The following TAMM41 variants were observed in gnomAD, a reference collection of about 807,000 sequenced individuals.
TAMM41 encodes the protein phosphatidate cytidylyltransferase, mitochondrial.
In TAMM41, 36 loss-of-function variants were observed where a neutral mutation model predicts 44.1. The observed-to-expected ratio is 0.82, with a 90% confidence interval of 0.63 to 1.08. TAMM41 has a LOEUF of 1.08. TAMM41 is among the 50% of genes least tolerant of loss of function. The pLI is 0.00. For missense variants in TAMM41, 417 were observed against 404.3 expected (o/e 1.03, Z -0.27); for synonymous variants, 164 against 153.1 (o/e 1.07, Z -0.53).
At chr3:11,740,208 T>C in the TAMM41 span, among the ~76,000 whole-genome samples, 135,955 of 152,192 alleles carry the variant, frequency 0.89, 60,834 homozygotes, top group East Asian at 1. Flanking sequence ...TAAATGAAGA[T>C]GCGTGTCATT....
chr3:11,833,321 G>A (rs2079057914), intron 3 of TAMM41, among the ~76,000 whole-genome samples: 1 of 152,162 alleles, frequency 6.6e-6, no homozygotes, highest in Non-Finnish European at 1.5e-5. Flanking sequence ...ATATTTGTGA[G>A]TACCTTTCAA....
At chr3:11,785,776 C>T (rs2077413249), downstream of TAMM41, among the ~76,000 whole-genome samples, 1 of 152,126 alleles carries the variant, frequency 6.6e-6, no homozygotes, top group Non-Finnish European at 1.5e-5. Context: ...CCACTGCTCC[C>T]AGCTAATTTT....
chr3:11,787,412 G>A (rs756004008), downstream of TAMM41, among the ~76,000 whole-genome samples: 8 of 152,184 alleles, frequency 5.3e-5, no homozygotes, highest in Non-Finnish European at 5.9e-5. Flanking sequence ...TGTTAGCAGC[G>A]TCCTGATGTG....
At chr3:11,748,283 T>C in the TAMM41 span, among the ~76,000 whole-genome samples, 178 of 151,688 alleles carry the variant, frequency 1.2e-3, no homozygotes, top group Non-Finnish European at 2.3e-3. Flanking sequence ...TATTTATTTA[T>C]TTATTTATTT....
the TAMM41 span, among the ~76,000 whole-genome samples, chr3:11,771,675 C>T: frequency 6.6e-6 from 1 of 152,082 alleles, no homozygotes; most frequent in Non-Finnish European, 1.5e-5. Flanking sequence ...CTCCGCCTCC[C>T]AGGTTCAAGC....
At chr3:11,807,659 C>G in intron 7 of TAMM41, 174 bp downstream of exon 7, 1 of 1,536,330 alleles carries the variant, frequency 6.5e-7, no homozygotes, top group African/African-American at 1.4e-5. Context: ...GTTCGACCAC[C>G]AGGTTCTGCT....
At chr3:11,808,333 A>C (rs9876026) in intron 6 of TAMM41, 459,547 of 1,008,348 alleles carry the variant, frequency 0.46, 110,046 homozygotes, top group African/African-American at 0.79. Context: ...AGTTTCACTC[A>C]CCTCAAAGAG....
At chr3:11,725,425 T>TCTTCTTTCCTCC in the TAMM41 span, among the ~76,000 whole-genome samples, 38 of 68,108 alleles carry the variant, frequency 5.6e-4, no homozygotes, top group African/African-American at 2.4e-3. Context: ...TTCTTCTTCT[T>TCTTCTTTCCTCC]TCCTCCTCCT....
downstream of TAMM41, among the ~76,000 whole-genome samples, chr3:11,790,219 T>C (rs1343994712): frequency 6.6e-6 from 1 of 152,214 alleles, no homozygotes; most frequent in Non-Finnish European, 1.5e-5. Context: ...AAATTTGTCA[T>C]GTCTGACTCT....
the TAMM41 span, among the ~76,000 whole-genome samples, chr3:11,772,846 G>A: frequency 1.3e-5 from 2 of 152,130 alleles, no homozygotes; most frequent in East Asian, 3.8e-4. Flanking sequence ...GAATCATCCT[G>A]CCAAGTAGGG....
At position 11,808,499 on chromosome 3, in the gene TAMM41, C is replaced by T. The variant is rs1163834062; in HGVS notation, c.875-604G>A. The T allele has an allele frequency of 7.1e-6, 7 of 985,728 alleles. No individual in the cohort carries two copies. In the East Asian group the frequency reaches 3.4e-4, roughly 48 times the overall value. 61.1% of individuals were successfully genotyped at this position (985,728 alleles called of 1,614,324 possible). On this transcript the variant is annotated intron_variant, in intron 6 of 7. Transcript: ENST00000455809. ...GAGAGTGGGCGTGGAGCGCCTGCTG[C>T]AGCTCATCCACTGCAGTGCGATGGT...
Position 11,817,224 on chromosome 3 carries a change from C to G in TAMM41, c.676G>C (p.Val226Leu). The G allele has an allele frequency of 6.2e-7, 1 of 1,612,778 alleles. No homozygotes were observed. The highest frequency in any genetic ancestry group is 8.5e-7 in the Non-Finnish European group (1 of 1,178,988). The change falls in exon 5 of 8, where the codon GTG (valine) becomes CTG (leucine). Residue 226 changes from valine (V) to leucine (L), a missense_variant. Transcript: ENST00000455809. ...YGSILQENPQVVYKSQQGWLE... is the reference protein window; with the variant it reads ...YGSILQENPQLVYKSQQGWLE... ...CAGCCTTGCTGGCTTTTATACACCA[C>G]TTGAGGATTTTCCTGTAGTATGCTG...
At chr3:11,784,504 A>C in the TAMM41 span, among the ~76,000 whole-genome samples, 1 of 152,166 alleles carries the variant, frequency 6.6e-6, no homozygotes, top group African/African-American at 2.4e-5. Flanking sequence ...CAAAAAACAA[A>C]AGAAACCAAA....
the TAMM41 span, among the ~76,000 whole-genome samples, chr3:11,727,961 G>A: frequency 0.53 from 79,477 of 151,086 alleles, 21,941 homozygotes; most frequent in African/African-American, 0.69. Flanking sequence ...TAATTTTTCT[G>A]TTTTTAGTAG....
chr3:11,801,166 A>T (rs999797797), intron 7 of TAMM41, among the ~76,000 whole-genome samples: 1 of 152,152 alleles, frequency 6.6e-6, no homozygotes, highest in Non-Finnish European at 1.5e-5. Context: ...AGGCTACAAA[A>T]CAAGTCTTAA....
chr3:11,739,524 G>A, the TAMM41 span, among the ~76,000 whole-genome samples: 1 of 152,074 alleles, frequency 6.6e-6, no homozygotes, highest in South Asian at 2.1e-4. Flanking sequence ...GATGCGTTAA[G>A]GGCTGGGTGC....
chr3:11,736,499 A>C, the TAMM41 span, among the ~76,000 whole-genome samples: 2 of 152,234 alleles, frequency 1.3e-5, no homozygotes, highest in Non-Finnish European at 2.9e-5. Context: ...AGGAAGACAC[A>C]GTTTCTCATG....
the TAMM41 span, among the ~76,000 whole-genome samples, chr3:11,754,735 A>G: frequency 9.0e-6 from 1 of 110,664 alleles, no homozygotes; most frequent in Middle Eastern, 7.5e-3. Flanking sequence ...TTTTTTTGAG[A>G]CAGAGTCTTG....
chr3:11,807,029 G>A, intron 7 of TAMM41: 1 of 277,312 alleles, frequency 3.6e-6, no homozygotes, highest in Non-Finnish European at 5.5e-6. Flanking sequence ...TCAGACATAC[G>A]TGGTCTCCAA....
Sources: gnomAD v4.1 joint callset for allele counts (sites outside exome capture counted in the v4.1 genomes callset) on GRCh38, gnomAD v4.1.1 for gene constraint, MANE v1.5 for transcripts, NCBI Gene and HGNC (gene_info 2026-07-23, HGNC 2026-07-21) for gene names.